The following CDK12 variants were observed in gnomAD, a reference collection of about 807,000 sequenced individuals.
CDK12 encodes the protein cyclin dependent kinase 12.
CDK12 carries 17 observed loss-of-function variants against 133.8 expected under a neutral mutation model. The observed-to-expected ratio is 0.13, with a 90% CI of 0.09 to 0.19. CDK12 has a LOEUF of 0.19. Ranked by LOEUF, CDK12 falls within the 10% of genes least tolerant of loss-of-function variation. The pLI is 1.00. For missense variants in CDK12, 1,508 were observed against 1,818.7 expected (o/e 0.83, Z 3.11); for synonymous variants, 694 against 683.6 (o/e 1.02, Z -0.24).
intron 2 of CDK12, among the ~76,000 whole-genome samples, chr17:39,478,420 C>G (rs1025455560): frequency 8.6e-5 from 13 of 151,904 alleles, no homozygotes; most frequent in African/African-American, 2.9e-4. Context: ...TCCCGAACTC[C>G]TGACCTTAGG....
intron 11 of CDK12, among the ~76,000 whole-genome samples, chr17:39,522,709 T>A (rs1233337529): frequency 6.6e-6 from 1 of 152,088 alleles, no homozygotes; most frequent in East Asian, 1.9e-4. Context: ...GCTGTGATTA[T>A]AGGCGTGAGC....
intron 5 of CDK12, among the ~76,000 whole-genome samples, chr17:39,498,625 G>T (rs1365773135): frequency 1.3e-5 from 2 of 152,072 alleles, no homozygotes; most frequent in African/African-American, 4.8e-5. Context: ...AAACTCCTGG[G>T]CTCAAATGAT....
chr17:39,477,899 G>A (rs1293022215), intron 2 of CDK12, among the ~76,000 whole-genome samples: 3 of 151,604 alleles, frequency 2.0e-5, no homozygotes, highest in South Asian at 2.1e-4. Flanking sequence ...GTAGAGACGG[G>A]GTTTCACTAC....
intron 1 of CDK12, among the ~76,000 whole-genome samples, chr17:39,465,775 G>A (rs2049265587): frequency 6.6e-6 from 1 of 152,116 alleles, no homozygotes; most frequent in Non-Finnish European, 1.5e-5. Context: ...ACAGGCGTGA[G>A]CCAATGCGCA....
chr17:39,495,014 GC>G (rs2051960940), intron 5 of CDK12, among the ~76,000 whole-genome samples: 1 of 151,958 alleles, frequency 6.6e-6, no homozygotes, highest in East Asian at 1.9e-4. Context: ...CTCGTGATCC[GC>G]CCGCCTGGGC....
chr17:39,521,002 T>C (rs778419969), intron 11 of CDK12, among the ~76,000 whole-genome samples: 2 of 151,908 alleles, frequency 1.3e-5, no homozygotes, highest in Admixed American at 6.6e-5. Context: ...CGTGCCACCA[T>C]GCCCAGCTAA....
intron 6 of CDK12, among the ~76,000 whole-genome samples, chr17:39,502,929 T>C (rs1041604449): frequency 2.0e-5 from 3 of 152,136 alleles, no homozygotes; most frequent in African/African-American, 7.2e-5. Context: ...TAGAGCCCAC[T>C]TATGGATCTT....
chr17:39,482,850 C>T (rs897301510), intron 2 of CDK12, among the ~76,000 whole-genome samples: 2 of 151,818 alleles, frequency 1.3e-5, no homozygotes, highest in African/African-American at 4.8e-5. Context: ...AATCCACCTG[C>T]CTCAGCCTTT....
intron 6 of CDK12, among the ~76,000 whole-genome samples, chr17:39,504,541 T>C (rs1305772117): frequency 2.6e-5 from 4 of 152,068 alleles, no homozygotes; most frequent in Non-Finnish European, 5.9e-5. Flanking sequence ...AGGGGGTGTC[T>C]TTAATTTTTA....
At chr17:39,559,666 T>C (rs1249709878) in intron 3 of CDK12, among the ~76,000 whole-genome samples, 1 of 152,138 alleles carries the variant, frequency 6.6e-6, no homozygotes, top group Non-Finnish European at 1.5e-5. Context: ...CATAGTTCAC[T>C]GCAGCCTTGA....
intron 2 of CDK12, among the ~76,000 whole-genome samples, chr17:39,486,674 G>GT (rs373701071): frequency 6.6e-6 from 1 of 151,742 alleles, no homozygotes; most frequent in African/African-American, 2.4e-5. Context: ...GAAATTACAA[G>GT]TTTTTTTTCG....
chr17:39,528,767 G>A (rs2054642659), intron 13 of CDK12, among the ~76,000 whole-genome samples: 1 of 152,350 alleles, frequency 6.6e-6, no homozygotes, highest in Middle Eastern at 3.4e-3. Context: ...GGCATAGCTG[G>A]AAGAATGTAA....
At chr17:39,501,510 A>G in intron 6 of CDK12, 71 bp downstream of exon 6, 1 of 1,032,766 alleles carries the variant, frequency 9.7e-7, no homozygotes, top group Non-Finnish European at 1.4e-6. Context: ...CAAATGGTTA[A>G]TTGGTATTAT....
chr17:39,485,637 TCTC>T (rs1444500123), intron 2 of CDK12, among the ~76,000 whole-genome samples: 5 of 151,428 alleles, frequency 3.3e-5, no homozygotes, highest in African/African-American at 1.2e-4. Flanking sequence ...ATGGTCTTGA[TCTC>T]CTGACCTCAT....
rs1176578751 is a variant in CDK12 at position 39,471,491 on chromosome 17, T to A, written c.1659T>A (p.Pro553=). Residue 553 remains proline (P), a synonymous_variant, in exon 2 of 14, where the codon CCT becomes CCA. Coordinates refer to ENST00000447079, the MANE Select transcript of CDK12 (RefSeq NM_016507.4). ...TPPPQTPPLP[P]LPPIPALPQQ... ...CACCTCAGACACCCCCTTTGCCACC[T>A]TTGCCTCCAATACCAGCTCTTCCAC... 7 of 1,570,872 alleles carry A rather than the reference T, an allele frequency of 4.5e-6. No individual in the cohort carries two copies. Among genetic ancestry groups the A allele is most frequent in the Non-Finnish European group, 6.0e-6 (7 of 1,158,544 alleles).
intron 3 of CDK12, among the ~76,000 whole-genome samples, chr17:39,560,308 T>C (rs1050644574): frequency 1.3e-5 from 2 of 152,248 alleles, no homozygotes; most frequent in Admixed American, 1.3e-4. Flanking sequence ...AAACTTCTTC[T>C]TATATTACCA....
intron 3 of CDK12, among the ~76,000 whole-genome samples, chr17:39,562,347 C>G (rs2056403750): frequency 6.6e-6 from 1 of 152,206 alleles, no homozygotes; most frequent in South Asian, 2.1e-4. Flanking sequence ...AGGGAGACCA[C>G]TCTTTACTAG....
chr17:39,463,711 C>G (rs1321569658), intron 1 of CDK12, among the ~76,000 whole-genome samples: 2 of 151,892 alleles, frequency 1.3e-5, no homozygotes, highest in African/African-American at 2.4e-5. Context: ...TATAACCTAG[C>G]AGAAATTGGT....
chr17:39,491,229 C>T (rs376714773), intron 3 of CDK12, among the ~76,000 whole-genome samples: 11 of 152,054 alleles, frequency 7.2e-5, no homozygotes, highest in East Asian at 1.9e-4. Flanking sequence ...GTATTATTGT[C>T]GTAGTTTTAT....
Sources: allele counts gnomAD v4.1 joint callset (sites outside exome capture counted in the v4.1 genomes callset), GRCh38; gene constraint gnomAD v4.1.1; transcripts MANE v1.5; gene names NCBI Gene and HGNC (gene_info 2026-07-23, HGNC 2026-07-21).